Variants in KDM3B observed in about 807,000 individuals in gnomAD.
KDM3B encodes the protein lysine-specific demethylase 3B.
Under a neutral mutation model 170.0 loss-of-function variants are expected in KDM3B, and 10 were observed. That is an observed-to-expected ratio of 0.06 (90% CI 0.04 to 0.10). KDM3B has a LOEUF of 0.10. KDM3B is among the 10% of genes least tolerant of loss of function. The pLI is 1.00. For synonymous variants in KDM3B, 831 were observed against 834.8 expected (o/e 1.00, Z 0.08); for missense variants, 1,394 against 2,195.2 (o/e 0.64, Z 7.29).
At position 138,419,144 on chromosome 5, in the gene KDM3B, G is replaced by A; in HGVS notation, c.3627G>A (p.Arg1209=). The change falls in exon 14 of 24, where the codon AGG becomes AGA. Residue 1209 remains arginine (R), a synonymous_variant. Transcript: ENST00000314358. ...SNSNSELKAI[R]PPCPDTAPPS... ...GCAATAGTGAACTGAAAGCCATCAGGCCTCCTTGCCCTGACACGGCCCCAC... is the reference window on the plus strand; with the variant it reads ...GCAATAGTGAACTGAAAGCCATCAGACCTCCTTGCCCTGACACGGCCCCAC... 6.2e-7 allele frequency: 1 copy of A among 1,614,200 alleles called. No homozygotes were observed. Among genetic ancestry groups the A allele is most frequent in the Non-Finnish European group, 8.5e-7 (1 of 1,180,044 alleles).
At chr5:138,422,540 T>C (rs895013587) in intron 15 of KDM3B, among the ~76,000 whole-genome samples, 2 of 152,112 alleles carry the variant, frequency 1.3e-5, no homozygotes, top group Non-Finnish European at 2.9e-5. Context: ...CTCGGGAGGT[T>C]GAGGCAGGAG....
intron 23 of KDM3B, among the ~76,000 whole-genome samples, chr5:138,432,122 G>A (rs193025960): frequency 3.9e-4 from 59 of 152,238 alleles, no homozygotes; most frequent in African/African-American, 1.4e-3. Flanking sequence ...AGTATTACAA[G>A]TGTTAGTAAC....
chr5:138,352,908 CG>C lies in KDM3B; in HGVS notation c.117del (p.Pro40LeufsTer16). 7.3e-7 allele frequency: 1 copy of C among 1,371,318 alleles called. No individual in the cohort carries two copies. The highest frequency in any genetic ancestry group is 1.6e-5 in the South Asian group (1 of 62,462). 84.9% of individuals were successfully genotyped at this position (1,371,318 alleles called of 1,614,324 possible). A position where few individuals can be genotyped will look rare whatever the true frequency, so the allele number is the denominator to read the frequency against. ...APAAAAASGD[P>X]GPALRTRAWR... ...GCGGCGGCAGCGGCGAGCGGAGATC[CG>C]GGGCCTGCGCTGCGCACTCGAGCCT... On this transcript the variant is annotated frameshift_variant, in exon 1 of 24. Coordinates refer to ENST00000314358, the MANE Select transcript of KDM3B (RefSeq NM_016604.4). LOFTEE classifies it high-confidence loss of function.
intron 9 of KDM3B, among the ~76,000 whole-genome samples, chr5:138,396,779 G>A (rs1482803893): frequency 6.6e-6 from 1 of 152,026 alleles, no homozygotes; most frequent in Non-Finnish European, 1.5e-5. Context: ...TTGGAGGTAT[G>A]AATAGAAGGA....
At chr5:138,377,596 G>T in intron 3 of KDM3B, 124 bp from the exon 4 acceptor site, 1 of 638,098 alleles carries the variant, frequency 1.6e-6, no homozygotes, top group East Asian at 3.0e-5. Context: ...CTGAGACTAA[G>T]GTTCTATAGA....
At position 138,419,013 on chromosome 5, in the gene KDM3B, G is replaced by A. The variant is rs1450753127; in HGVS notation, c.3496G>A (p.Gly1166Arg). 4.3e-6 allele frequency: 7 copies of A among 1,614,056 alleles called. No homozygotes were observed. Among genetic ancestry groups the A allele is most frequent in the Non-Finnish European group, 5.9e-6 (7 of 1,180,032 alleles). Residue 1166 changes from glycine to arginine, a missense_variant, in exon 14 of 24, where the codon GGA becomes AGA. Gly to Arg is a moderately radical substitution (Grantham distance 125). This residue lies in a region of KDM3B where 87 missense variants were observed against 83.3 expected (regional missense o/e 1.04). Coordinates refer to ENST00000314358, the MANE Select transcript of KDM3B (RefSeq NM_016604.4). ...GNETTFSGGG[G>R]PAPVTTPEPD... The stretch of plus-strand genomic sequence containing the variant: ...CGAAACTACCTTCTCTGGTGGAGGA[G>A]GACCGGCACCAGTAACAACTCCAGA...
intron 5 of KDM3B, among the ~76,000 whole-genome samples, chr5:138,380,979 A>G (rs1238383263): frequency 1.3e-5 from 2 of 151,710 alleles, no homozygotes; most frequent in African/African-American, 2.4e-5. Flanking sequence ...GGTTCAAGCA[A>G]TTCTCCTGCC....
intron 1 of KDM3B, among the ~76,000 whole-genome samples, chr5:138,359,099 C>A (rs1016553441): frequency 6.6e-6 from 1 of 151,832 alleles, no homozygotes; most frequent in Non-Finnish European, 1.5e-5. Context: ...CAATTTCATC[C>A]ATGTCCCTAC....
At chr5:138,434,267 AG>A (rs1280070892) in intron 23 of KDM3B, among the ~76,000 whole-genome samples, 2 of 151,698 alleles carry the variant, frequency 1.3e-5, no homozygotes, top group East Asian at 3.9e-4. Flanking sequence ...TAAAAACAAC[AG>A]GCTGGGCGCG....
In KDM3B at chr5:138,435,995, C is replaced by G. The variant is rs1763665027; in HGVS notation, c.*295C>G. On this transcript the variant is annotated 3_prime_UTR_variant, in exon 24 of 24. Transcript: ENST00000314358. ...ACATGGCGGGGCTTTCCTGCACATTCTCCTGATTTGAGATTCACGGGCACA... is the reference window on the plus strand; with the variant it reads ...ACATGGCGGGGCTTTCCTGCACATTGTCCTGATTTGAGATTCACGGGCACA... 2.9e-6 allele frequency: 1 copy of G among 345,820 alleles called. No individual in the cohort carries two copies. The allele number at this position is 345,820 out of a possible 1,614,324, so 21.4% of individuals were successfully genotyped here. A position where few individuals can be genotyped will look rare whatever the true frequency, so the allele number is the denominator to read the frequency against.
chr5:138,400,552 T>G (rs1018922128), intron 11 of KDM3B, among the ~76,000 whole-genome samples: 1 of 151,998 alleles, frequency 6.6e-6, no homozygotes, highest in Non-Finnish European at 1.5e-5. Context: ...TTGAGACCAG[T>G]CTGGGTAACA....
At chr5:138,386,651 A>G (rs1036771321) in intron 7 of KDM3B, 30 bp downstream of exon 7, 13 of 1,590,950 alleles carry the variant, frequency 8.2e-6, no homozygotes, top group African/African-American at 1.3e-5. Flanking sequence ...GATTTGCAAG[A>G]TTTGGGTTTA....
chr5:138,358,152 CATGTAATTTTAGTAGAG>C (rs1280776756), intron 1 of KDM3B, among the ~76,000 whole-genome samples: 1 of 150,964 alleles, frequency 6.6e-6, no homozygotes, highest in Non-Finnish European at 1.5e-5. Flanking sequence ...CGTCCACCAC[CATGTAATTTTAGTAGAG>C]ATGGGGTTTC....
At position 138,391,803 on chromosome 5, in the gene KDM3B, G is replaced by A. The variant is rs1287614598; in HGVS notation, c.2171G>A (p.Arg724His). ...AGCCTCTCTGCCATGGGGAATGGCC[G>A]CTCCAGCTCGCCCACCAGCAGCCTC... Reference protein sequence around the residue: ...GPSLSAMGNGRSSSPTSSLTQ... With the variant: ...GPSLSAMGNGHSSSPTSSLTQ... The change falls in exon 8 of 24, where the codon CGC (arginine) becomes CAC (histidine). Residue 724 changes from arginine to histidine, a missense_variant. Coordinates refer to ENST00000314358, the MANE Select transcript of KDM3B (RefSeq NM_016604.4). This position sits in a 1 kb window ranked among gnomAD's most constrained non-coding sequence, Gnocchi z 5.0. 5.0e-6 allele frequency: 8 copies of A among 1,613,848 alleles called. 1 individual carries two copies. Among genetic ancestry groups the A allele is most frequent in the Middle Eastern group, 1.6e-4 (1 of 6,084 alleles).
At chr5:138,429,392 T>C (rs1309804594) in intron 20 of KDM3B, among the ~76,000 whole-genome samples, 3 of 152,206 alleles carry the variant, frequency 2.0e-5, no homozygotes, top group South Asian at 4.1e-4. Context: ...GCATTCATTA[T>C]GGTGTAGGTC....
intron 13 of KDM3B, chr5:138,417,856 C>G: frequency 2.6e-6 from 1 of 387,972 alleles, no homozygotes; most frequent in Middle Eastern, 6.6e-4. Flanking sequence ...AGATTCTTAG[C>G]ATCTTGTCAA....
chr5:138,417,140 A>C (rs545775598), intron 12 of KDM3B, among the ~76,000 whole-genome samples: 1 of 152,184 alleles, frequency 6.6e-6, no homozygotes, highest in Non-Finnish European at 1.5e-5. Context: ...ACTCTTGAAC[A>C]CTAGAGAATC....
chr5:138,400,012 G>A lies in KDM3B; in HGVS notation c.3199G>A (p.Glu1067Lys), dbSNP rs1475227786. The part of the protein sequence containing the change: ...YRLRKSRPRS[E>K]TEEMGDEEVF... Reference sequence around the variant, plus strand: ...GCTCAGGAAAAGCCGGCCACGCAGTGGTAAGTAAACATTGTCCTGTGTAGC... The same window carrying A: ...GCTCAGGAAAAGCCGGCCACGCAGTAGTAAGTAAACATTGTCCTGTGTAGC... The change falls in exon 11 of 24, where the codon GAG becomes AAG. Residue 1067 changes from glutamate (E) to lysine (K), a missense_variant and splice_region_variant. This residue lies in a region of KDM3B where 44 missense variants were observed against 71.1 expected (regional missense o/e 0.62). Coordinates refer to ENST00000314358, the MANE Select transcript of KDM3B (RefSeq NM_016604.4). The A allele has an allele frequency of 6.2e-7, 1 of 1,613,992 alleles. No individual in the cohort carries two copies. The highest frequency in any genetic ancestry group is 1.3e-5 in the African/African-American group (1 of 74,926).
rs746068888 is a variant in KDM3B, at chr5:138,424,165, C to T, written c.4063C>T (p.Arg1355Trp). The change falls in exon 16 of 24, where the codon CGG becomes TGG. Residue 1355 changes from arginine (R) to tryptophan (W), a missense_variant. Arg to Trp is a moderately radical substitution (Grantham distance 101). This residue lies in a region of KDM3B where 137 missense variants were observed against 166.9 expected (regional missense o/e 0.82). Coordinates refer to ENST00000314358, the MANE Select transcript of KDM3B (RefSeq NM_016604.4). ...TAAGAAAACCTCAGATGCTTCAAAG[C>T]GGGCCTGCAACTTGACTGATACCCA... ...ENKKTSDASK[R>W]ACNLTDTQKE... The T allele has an allele frequency of 1.9e-6, 3 of 1,613,928 alleles. No homozygotes were observed. The highest frequency in any genetic ancestry group is 1.7e-5 in the Admixed American group (1 of 59,974).
Sources: gnomAD v4.1 joint callset for allele counts (sites outside exome capture counted in the v4.1 genomes callset) on GRCh38, gnomAD v4.1.1 for gene constraint, gnomAD v4.1.1 regional missense constraint, Gnocchi (gnomAD v3.1) non-coding constraint, MANE v1.5 for transcripts, NCBI Gene and HGNC (gene_info 2026-07-23, HGNC 2026-07-21) for gene names.